EPN1: variants seen among roughly 807,000 people sequenced by gnomAD.
EPN1 encodes epsin 1.
Under a neutral mutation model 56.9 loss-of-function variants are expected in EPN1, and 25 were observed. The ratio of observed to expected loss-of-function variants is 0.44; its 90% CI spans 0.32 to 0.61. The LOEUF (loss-of-function observed/expected upper bound fraction) is 0.61, where lower values mean the gene tolerates loss of function less well. Among genes scored for constraint, EPN1 ranks in the 20% least tolerant of loss-of-function variants. The pLI, the probability that EPN1 is intolerant of heterozygous loss-of-function variation, is 0.05. For synonymous variants in EPN1, 411 were observed against 361.8 expected (o/e 1.14, Z -1.54); for missense variants, 785 against 823.7 (o/e 0.95, Z 0.58).
Position 55,690,986 on chromosome 19 carries a change from C to T in EPN1, c.763-768C>T, listed in dbSNP as rs536702056. Among the ~76,000 whole-genome samples, 25 of 152,308 alleles carry T rather than the reference C, an allele frequency of 1.6e-4. No individual in the cohort carries two copies. In the South Asian group the frequency reaches 4.6e-3, roughly 28 times the overall value. ...GCCCTGCCCTGGACTCAGCTCTTCTCCCCTTCCCATCCCCGCCGGGGCCTT... is the reference window on the plus strand; with the variant it reads ...GCCCTGCCCTGGACTCAGCTCTTCTTCCCTTCCCATCCCCGCCGGGGCCTT... On this transcript the variant is annotated intron_variant, in intron 6 of 10. Transcript: ENST00000270460.
rs535961062 is a variant in EPN1 at position 55,693,596 on chromosome 19, G to A, written c.1264+559G>A. Among the ~76,000 whole-genome samples, 5 of 152,320 alleles carry A rather than the reference G, an allele frequency of 3.3e-5. No individual in the cohort carries two copies. The South Asian group carries it at 8.3e-4, about 25-fold the overall frequency. The stretch of plus-strand genomic sequence containing the variant: ...GAGTGGCTCTTCGTCAGGAGTGCCC[G>A]AGGTCATAGTGGGCCACTGGTGCTT... On this transcript the variant is annotated intron_variant, in intron 9 of 10. Coordinates refer to ENST00000270460, the MANE Select transcript of EPN1 (RefSeq NM_001130072.2).
At position 55,692,958 on chromosome 19, in the gene EPN1, G is replaced by A. The variant is rs767394810; in HGVS notation, c.1185G>A (p.Gly395=). 3.1e-6 allele frequency: 5 copies of A among 1,613,498 alleles called. No homozygotes were observed. The South Asian group carries it at 3.3e-5, about 11-fold the overall frequency. ...KPSTNGTTAA[G]GFDTEPDEFS... is the part of the protein sequence containing the mutation. Reference sequence around the variant, plus strand: ...AACATCCTGACCCCACAGCAGCCGGGGGATTCGACACGGAGCCCGACGAGT... The same window carrying A: ...AACATCCTGACCCCACAGCAGCCGGAGGATTCGACACGGAGCCCGACGAGT... The change falls in exon 9 of 11, where the codon GGG becomes GGA. Residue 395 remains glycine, a synonymous_variant. Transcript: ENST00000270460.
At chr19:55,692,534 T>G in intron 7 of EPN1, 152 bp from the exon 8 acceptor site, 1 of 517,132 alleles carries the variant, frequency 1.9e-6, no homozygotes, top group South Asian at 3.0e-5. Flanking sequence ...CAGTTGGAAT[T>G]TGAGTGTGTG....
chr19:55,690,090 C>T (rs569998903), intron 6 of EPN1, 140 bp downstream of exon 6: 51 of 867,096 alleles, frequency 5.9e-5, no homozygotes, highest in East Asian at 4.0e-4. Flanking sequence ...CAGGCTTGGT[C>T]GGCCTCTCTG....
rs35248181 is a variant in EPN1, at chr19:55,697,442, C to T, written c.*2086C>T. 2.8e-4 allele frequency: 42 copies of T among 152,366 alleles called. No homozygotes were observed. Among genetic ancestry groups the T allele is most frequent in the Admixed American group, 2.4e-3 (37 of 15,304 alleles). 9.4% of individuals were successfully genotyped at this position (152,366 alleles called of 1,614,324 possible). On this transcript the variant is annotated 3_prime_UTR_variant, in exon 11 of 11. Transcript: ENST00000270460. Reference sequence around the variant, plus strand: ...ACTGCGGAGCCTGCACTCCCTTTCTCTTCAAAAAAGCTGAGGACGAAGATA... The same window carrying T: ...ACTGCGGAGCCTGCACTCCCTTTCTTTTCAAAAAAGCTGAGGACGAAGATA...
Position 55,678,649 on chromosome 19 carries a change from C to T in EPN1, c.22C>T (p.Arg8Cys), listed in dbSNP as rs1189610724. 6 of 1,612,690 alleles carry T rather than the reference C, an allele frequency of 3.7e-6. No individual in the cohort carries two copies. The highest frequency in any genetic ancestry group is 2.2e-5 in the East Asian group (1 of 44,860). MSTSSLR[R>C]QMKNIVHNYS... ...CACCATGTCGACCTCGTCCTTGAGG[C>T]GCCAGATGAAGAACATCGTCCACAA... is the stretch of plus-strand genomic sequence containing the variant. Residue 8 changes from arginine (R) to cysteine (C), a missense_variant, in exon 2 of 11, where the codon CGC becomes TGC. This residue lies in a region of EPN1 where 135 missense variants were observed against 218.7 expected (regional missense o/e 0.62). Transcript: ENST00000270460.
At position 55,702,566 on chromosome 19, in the gene EPN1, C is replaced by T. The variant is rs1987193577; in HGVS notation, c.*7210C>T. ...ATCTGTGTTTTACAGCCTGAAAGAT[C>T]AGGCTGCTCTTTGTTAGGAGAAGTG... is the stretch of plus-strand genomic sequence containing the variant. On this transcript the variant is annotated 3_prime_UTR_variant, in exon 11 of 11. Transcript: ENST00000270460. 2 of 152,220 alleles carry T rather than the reference C, an allele frequency of 1.3e-5. No individual in the cohort carries two copies. The highest frequency in any genetic ancestry group is 2.9e-5 in the Non-Finnish European group (2 of 68,042). 9.4% of individuals were successfully genotyped at this position (152,220 alleles called of 1,614,324 possible).
Position 55,692,806 on chromosome 19 carries a change from T to TG in EPN1, c.1177+15dup, listed in dbSNP as rs1425729143. The TG allele has an allele frequency of 6.3e-7, 1 of 1,594,436 alleles. No homozygotes were observed. The highest frequency in any genetic ancestry group is 1.3e-5 in the African/African-American group (1 of 74,446). On this transcript the variant is annotated intron_variant, in intron 8 of 10. Coordinates refer to ENST00000270460, the MANE Select transcript of EPN1 (RefSeq NM_001130072.2). Reference sequence around the variant, plus strand: ...ACCAATGGCACAACAGGTACTGGAATGGGGGTGGGAATGGAGCCCCGGGTG... The same window carrying TG: ...ACCAATGGCACAACAGGTACTGGAATGGGGGGTGGGAATGGAGCCCCGGGTG...
chr19:55,683,140 C>G (rs1393308489), intron 2 of EPN1, among the ~76,000 whole-genome samples: 4 of 152,168 alleles, frequency 2.6e-5, no homozygotes, highest in Admixed American at 2.6e-4. Context: ...ACTGCAACCT[C>G]TGCCTCCCAA....
intron 1 of EPN1, chr19:55,676,706 C>T (rs2122153883): frequency 6.4e-6 from 1 of 156,918 alleles, no homozygotes; most frequent in Non-Finnish European, 1.4e-5. Flanking sequence ...GGATTTGAAC[C>T]CACATTTTAT....
At position 55,699,017 on chromosome 19, in the gene EPN1, T is replaced by C. The variant is rs982049460; in HGVS notation, c.*3661T>C. On this transcript the variant is annotated 3_prime_UTR_variant, in exon 11 of 11. Transcript: ENST00000270460. ...CCTCGGCCTCCCAAAGTGCTGGGAT[T>C]ACAGGCGTGAGCCACTGTAGCGGCC... The C allele has an allele frequency of 1.3e-5, 2 of 152,274 alleles. No individual in the cohort carries two copies. The highest frequency in any genetic ancestry group is 2.9e-5 in the Non-Finnish European group (2 of 68,078). 9.4% of individuals were successfully genotyped at this position (152,274 alleles called of 1,614,324 possible).
rs1423362827 is a variant in EPN1 at position 55,702,046 on chromosome 19, C to G, written c.*6690C>G. 1.3e-5 allele frequency: 2 copies of G among 148,846 alleles called. No homozygotes were observed. The highest frequency in any genetic ancestry group is 4.0e-4 in the East Asian group (2 of 5,032). The allele number at this position is 148,846 out of a possible 1,614,324, so 9.2% of individuals were successfully genotyped here. A position where few individuals can be genotyped will look rare whatever the true frequency, so the allele number is the denominator to read the frequency against. The stretch of plus-strand genomic sequence containing the variant: ...GTGTCATCTTGGCTCACTGCAACCT[C>G]CGCCTCCCAGGTTCAAGCAATTCTC... On this transcript the variant is annotated 3_prime_UTR_variant, in exon 11 of 11. Transcript: ENST00000270460.
chr19:55,683,351 G>A (rs1026027129), intron 2 of EPN1, among the ~76,000 whole-genome samples: 4 of 151,708 alleles, frequency 2.6e-5, no homozygotes, highest in South Asian at 4.2e-4. Context: ...CACCATGCCC[G>A]GCCTTATTTA....
At position 55,708,647 on chromosome 19, in the gene EPN1, G is replaced by A. The variant is rs893703836; in HGVS notation, c.*13291G>A. On this transcript the variant is annotated 3_prime_UTR_variant, in exon 11 of 11. Transcript: ENST00000270460. ...AAAGCCATGCTTTCCAGAGCGTTTA[G>A]CACTTGTTTAACGTACTTGTGCTTC... The A allele has an allele frequency of 1.7e-5, 5 of 298,728 alleles. No homozygotes were observed. The highest frequency in any genetic ancestry group is 5.1e-5 in the Admixed American group (1 of 19,554). 18.5% of individuals were successfully genotyped at this position (298,728 alleles called of 1,614,324 possible).
rs913539657 is a variant in EPN1 at position 55,691,657 on chromosome 19, G to C, written c.763-97G>C. 1.9e-5 allele frequency: 21 copies of C among 1,082,554 alleles called. No individual in the cohort carries two copies. The highest frequency in any genetic ancestry group is 2.7e-5 in the Non-Finnish European group (20 of 729,382). The allele number at this position is 1,082,554 out of a possible 1,614,324, so 67.1% of individuals were successfully genotyped here. ...TGGATGGCTGCTGTCTGGACACCCA[G>C]GGCCTGGCCGCCTCCCCCGCCACGG... On this transcript the variant is annotated intron_variant, in intron 6 of 10. Coordinates refer to ENST00000270460, the MANE Select transcript of EPN1 (RefSeq NM_001130072.2). This position sits in a 1 kb window ranked among gnomAD's most constrained non-coding sequence, Gnocchi z 5.6.
In EPN1 at chr19:55,691,818, G is replaced by C; in HGVS notation, c.827G>C (p.Trp276Ser). 6.2e-7 allele frequency: 1 copy of C among 1,609,618 alleles called. No individual in the cohort carries two copies. The highest frequency in any genetic ancestry group is 8.5e-7 in the Non-Finnish European group (1 of 1,177,274). Residue 276 changes from tryptophan (W) to serine (S), a missense_variant, in exon 7 of 11, where the codon TGG (tryptophan) becomes TCG (serine). By Grantham distance (177) the Trp-to-Ser change is radical. Coordinates refer to ENST00000270460, the MANE Select transcript of EPN1 (RefSeq NM_001130072.2). The surrounding 1 kb of genome is among the most constrained non-coding windows in gnomAD (Gnocchi z 5.6). ...APAPAPTTDPWGGPAPMAAAV... is the reference protein window; with the variant it reads ...APAPAPTTDPSGGPAPMAAAV... ...GCTCCTGCCCCGACCACAGACCCCT[G>C]GGGGGGCCCAGCACCCATGGCTGCT...
Position 55,695,096 on chromosome 19 carries a change from G to A in EPN1, c.1523-52G>A. On this transcript the variant is annotated intron_variant, in intron 10 of 10. Transcript: ENST00000270460. This position sits in a 1 kb window ranked among gnomAD's most constrained non-coding sequence, Gnocchi z 4.4. Reference sequence around the variant, plus strand: ...GCCTGCACATGCTGGATGGACACAGGTGGGCTGCGCCACTGACTCCACTCC... The same window carrying A: ...GCCTGCACATGCTGGATGGACACAGATGGGCTGCGCCACTGACTCCACTCC... 4 of 1,611,320 alleles carry A rather than the reference G, an allele frequency of 2.5e-6. No individual in the cohort carries two copies. Among genetic ancestry groups the A allele is most frequent in the East Asian group, 2.2e-5 (1 of 44,834 alleles).
chr19:55,694,243 A>AC lies in EPN1; in HGVS notation c.1265-482dup, dbSNP rs148493950. The AC allele has an allele frequency of 0.096, 6,868 of 71,678 alleles. 1,048 individuals are homozygous for AC. The highest frequency in any genetic ancestry group is 0.13 in the Non-Finnish European group (3,931 of 30,938). The allele number at this position is 71,678 out of a possible 1,614,324, so 4.4% of individuals were successfully genotyped here. A position where few individuals can be genotyped will look rare whatever the true frequency, so the allele number is the denominator to read the frequency against. ...AGAAAAAAAAAAAAAAAAAAAAAAAACAGAAAATCAGACCTCTAGCCAACA... is the reference window on the plus strand; with the variant it reads ...AGAAAAAAAAAAAAAAAAAAAAAAAACCAGAAAATCAGACCTCTAGCCAACA... On this transcript the variant is annotated intron_variant, in intron 9 of 10. Transcript: ENST00000270460. This position sits in a 1 kb window ranked among gnomAD's most constrained non-coding sequence, Gnocchi z 4.2.
chr19:55,692,723 C>G lies in EPN1; in HGVS notation c.1104C>G (p.Pro368=). Residue 368 remains proline, a synonymous_variant, in exon 8 of 11, where the codon CCC becomes CCG. Coordinates refer to ENST00000270460, the MANE Select transcript of EPN1 (RefSeq NM_001130072.2). ...VPVSGPSASD[P]WTPAPAFSDP... is the part of the protein sequence containing the mutation. ...TCAGTGGGCCCTCAGCCTCCGATCC[C>G]TGGACACCGGCCCCGGCCTTCTCAG... 6.4e-7 allele frequency: 1 copy of G among 1,565,482 alleles called. No individual in the cohort carries two copies. The highest frequency in any genetic ancestry group is 8.7e-7 in the Non-Finnish European group (1 of 1,155,408).
Sources: gnomAD v4.1 joint callset for allele counts (sites outside exome capture counted in the v4.1 genomes callset) on GRCh38, gnomAD v4.1.1 for gene constraint, gnomAD v4.1.1 regional missense constraint, Gnocchi (gnomAD v3.1) non-coding constraint, MANE v1.5 for transcripts, NCBI Gene and HGNC (gene_info 2026-07-23, HGNC 2026-07-21) for gene names.